The following CHST9 variants were observed in gnomAD, a reference collection of about 807,000 sequenced individuals.
CHST9 encodes the protein GalNAc-4-sulfotransferase 2.
A neutral mutation model predicts 44.4 loss-of-function variants in CHST9; 41 were observed. The ratio of observed to expected loss-of-function variants is 0.92; its 90% confidence interval spans 0.72 to 1.20. CHST9 has a LOEUF of 1.20. Among genes scored for constraint, CHST9 ranks in the 50% most tolerant of loss-of-function variants. The pLI, the probability that CHST9 is intolerant of heterozygous loss-of-function variation, is 0.00. For synonymous variants in CHST9, 171 were observed against 178.4 expected, an observed-to-expected ratio of 0.96 and a Z score of 0.33; for missense variants, 504 against 516.5, an observed-to-expected ratio of 0.98 and a Z score of 0.23.
chr18:27,180,259 G>C (rs1020462992), intron 1 of CHST9, among the ~76,000 whole-genome samples: 4 of 152,006 alleles, frequency 2.6e-5, no homozygotes, highest in Non-Finnish European at 5.9e-5. Flanking sequence ...TCATACAAGC[G>C]CTGACTTTAC....
intron 5 of CHST9, among the ~76,000 whole-genome samples, 154 bp from the exon 6 acceptor site, chr18:26,917,504 A>G (rs1356887006): frequency 6.6e-6 from 1 of 152,138 alleles, no homozygotes; most frequent in Admixed American, 6.6e-5. Flanking sequence ...CTGAACATAC[A>G]TTTTGTAGTG....
intron 4 of CHST9, among the ~76,000 whole-genome samples, chr18:26,992,402 T>G (rs1449914853): frequency 6.6e-6 from 1 of 152,160 alleles, no homozygotes; most frequent in Non-Finnish European, 1.5e-5. Context: ...CTGAAGCTCC[T>G]GAGCCTAGCG....
intron 2 of CHST9, among the ~76,000 whole-genome samples, chr18:27,105,791 C>T (rs1325461878): frequency 6.6e-6 from 1 of 151,226 alleles, no homozygotes; most frequent in African/African-American, 2.4e-5. Flanking sequence ...TGCTTTGGCA[C>T]TCAACCCCTC....
At chr18:27,177,344 A>G (rs983501265) in intron 1 of CHST9, among the ~76,000 whole-genome samples, 21 of 151,990 alleles carry the variant, frequency 1.4e-4, no homozygotes, top group African/African-American at 4.8e-4. Flanking sequence ...TGTATTCATT[A>G]AAGTATATAA....
chr18:27,056,240 T>C (rs1403460170), intron 2 of CHST9, among the ~76,000 whole-genome samples: 15 of 152,246 alleles, frequency 9.9e-5, no homozygotes, highest in Admixed American at 7.8e-4. Context: ...GGCATTCTAT[T>C]GACACTTAAA....
chr18:26,931,797 T>C (rs2055882669), intron 5 of CHST9, among the ~76,000 whole-genome samples: 1 of 152,222 alleles, frequency 6.6e-6, no homozygotes, highest in African/African-American at 2.4e-5. Context: ...CACAAAATAA[T>C]TGAATTTAAT....
At chr18:27,141,845 A>C (rs2143867735) in intron 2 of CHST9, among the ~76,000 whole-genome samples, 1 of 152,070 alleles carries the variant, frequency 6.6e-6, no homozygotes, top group Admixed American at 6.5e-5. Context: ...GCCATAGTCT[A>C]TTTCTACCAA....
chr18:27,043,641 T>C (rs1316151354), intron 3 of CHST9, among the ~76,000 whole-genome samples: 1 of 152,188 alleles, frequency 6.6e-6, no homozygotes, highest in East Asian at 1.9e-4. Flanking sequence ...CCTGTTATTC[T>C]TGGGTAATTA....
At chr18:27,053,238 A>AAGAAGG in intron 2 of CHST9, among the ~76,000 whole-genome samples, 1 of 85,180 alleles carries the variant, frequency 1.2e-5, no homozygotes, top group South Asian at 4.9e-4. Context: ...GAAGAAGAAG[A>AAGAAGG]AGAAGAAGAA....
rs890118313 is a variant in CHST9, at chr18:26,913,558, G to C, written c.*2701C>G. 6.6e-6 allele frequency: 1 copy of C among 152,196 alleles called. No homozygotes were observed. Among genetic ancestry groups the C allele is most frequent in the Non-Finnish European group, 1.5e-5 (1 of 68,036 alleles). 9.4% of individuals were successfully genotyped at this position (152,196 alleles called of 1,614,324 possible). A position where few individuals can be genotyped will look rare whatever the true frequency, so the allele number is the denominator to read the frequency against. On this transcript the variant is annotated 3_prime_UTR_variant, in exon 6 of 6. Transcript: ENST00000618847. ...CAGACAGGGGAATAACAGAGCGAAG[G>C]GGTCTGCCCATTGTGTTACTGCTGC...
chr18:26,931,855 T>A (rs1012133070), intron 5 of CHST9, among the ~76,000 whole-genome samples: 1 of 152,180 alleles, frequency 6.6e-6, no homozygotes, highest in African/African-American at 2.4e-5. Context: ...TTTATTAAAC[T>A]TACTCAGCAT....
chr18:27,061,545 CATGCACTGAGTACCTGGG>C (rs2057721806), intron 2 of CHST9, among the ~76,000 whole-genome samples: 1 of 152,100 alleles, frequency 6.6e-6, no homozygotes, highest in Non-Finnish European at 1.5e-5. Flanking sequence ...TTTCCTAGAC[CATGCACTGAGTACCTGGG>C]ATGCCAGAAT....
At chr18:27,090,750 G>T (rs2058060201) in intron 2 of CHST9, among the ~76,000 whole-genome samples, 1 of 152,158 alleles carries the variant, frequency 6.6e-6, no homozygotes, top group South Asian at 2.1e-4. Flanking sequence ...AAGATCAGAT[G>T]GTTGTAGATG....
intron 1 of CHST9, among the ~76,000 whole-genome samples, chr18:27,161,478 G>A (rs556509968): frequency 6.6e-6 from 1 of 152,296 alleles, no homozygotes; most frequent in South Asian, 2.1e-4. Flanking sequence ...CTGAGGGACA[G>A]TTTGTTATAA....
intron 1 of CHST9, chr18:27,147,714 A>T (rs1248260652): frequency 6.6e-6 from 1 of 151,586 alleles, no homozygotes; most frequent in Non-Finnish European, 1.5e-5. Flanking sequence ...GTGAAACGCA[A>T]CTCCATCAAC....
At chr18:27,010,597 AC>A (rs2145244497) in intron 4 of CHST9, among the ~76,000 whole-genome samples, 1 of 152,214 alleles carries the variant, frequency 6.6e-6, no homozygotes, top group Non-Finnish European at 1.5e-5. Flanking sequence ...ACTGCTCTGA[AC>A]CTTGGGTTTC....
At chr18:27,115,046 C>T (rs1361435070) in intron 2 of CHST9, among the ~76,000 whole-genome samples, 1 of 151,994 alleles carries the variant, frequency 6.6e-6, no homozygotes, top group Non-Finnish European at 1.5e-5. Context: ...CCTGGCATTC[C>T]CCCTGCTTGC....
chr18:27,066,238 G>A (rs535618340), intron 2 of CHST9, among the ~76,000 whole-genome samples: 5 of 152,178 alleles, frequency 3.3e-5, no homozygotes, highest in African/African-American at 9.7e-5. Context: ...GTAAAATAGC[G>A]AGAGGGCCAG....
chr18:27,159,762 G>C (rs540173329), intron 1 of CHST9, among the ~76,000 whole-genome samples: 11 of 152,238 alleles, frequency 7.2e-5, no homozygotes, highest in African/African-American at 2.6e-4. Context: ...TCTTCCATTT[G>C]TTTGTATCCT....
Sources: allele counts gnomAD v4.1 joint callset (sites outside exome capture counted in the v4.1 genomes callset), GRCh38; gene constraint gnomAD v4.1.1; transcripts MANE v1.5; gene names NCBI Gene and HGNC (gene_info 2026-07-23, HGNC 2026-07-21).